Variants in ASS1 observed in about 807,000 individuals in gnomAD.
The protein encoded by ASS1 is argininosuccinate synthase.
In ASS1, 58 loss-of-function variants were observed where a neutral mutation model predicts 60.5. The ratio of observed to expected loss-of-function variants is 0.96; its 90% CI spans 0.78 to 1.19. ASS1 has a LOEUF of 1.19. ASS1 is among the 50% of genes most tolerant of loss of function. The pLI is 0.00. For missense variants in ASS1, 454 were observed against 547.3 expected (o/e 0.83, Z 1.70); for synonymous variants, 200 against 206.9 (o/e 0.97, Z 0.29).
At chr9:130,497,501 A>G (rs1263581501) in intron 13 of ASS1, among the ~76,000 whole-genome samples, 3 of 150,966 alleles carry the variant, frequency 2.0e-5, no homozygotes, top group Non-Finnish European at 3.0e-5. Flanking sequence ...AAAAAAAAAA[A>G]GAAAAAAATC....
intron 6 of ASS1, among the ~76,000 whole-genome samples, chr9:130,469,191 G>T (rs1216166070): frequency 1.3e-5 from 2 of 152,254 alleles, no homozygotes; most frequent in African/African-American, 4.8e-5. Context: ...ATCTCTGCTG[G>T]AGAGTCCAGT....
chr9:130,496,297 C>T (rs868253205), intron 13 of ASS1, among the ~76,000 whole-genome samples: 1 of 151,850 alleles, frequency 6.6e-6, no homozygotes, highest in East Asian at 1.9e-4. Context: ...GGCATGTGCT[C>T]GTGGTCCCAA....
rs1031503455 is a variant in ASS1 at position 130,475,749 on chromosome 9, T to TG, written c.598-1122_598-1121insG. ...GTGAATGTGTGCAAGGTGTTTTTTT[T>TG]TTTTTTTTTTTTGGTGGGGGGGTGG... On this transcript the variant is annotated intron_variant, in intron 8 of 14. Coordinates refer to ENST00000352480, the MANE Select transcript of ASS1 (RefSeq NM_054012.4). Among the ~76,000 whole-genome samples, 89 of 150,448 alleles carry TG rather than the reference T, an allele frequency of 5.9e-4. 1 individual carries two copies. The highest frequency in any genetic ancestry group is 1.1e-3 in the Non-Finnish European group (75 of 67,354).
rs13293193 is a variant in ASS1 at position 130,477,799 on chromosome 9, G to A, written c.688+838G>A. Among the ~76,000 whole-genome samples, 14,691 of 152,286 alleles carry A rather than the reference G, an allele frequency of 0.096. 899 individuals are homozygous for A. The highest frequency in any genetic ancestry group is 0.17 in the Middle Eastern group (50 of 294). On this transcript the variant is annotated intron_variant, in intron 9 of 14. Transcript: ENST00000352480. The surrounding 1 kb of genome is among the most constrained non-coding windows in gnomAD (Gnocchi z 4.2). The stretch of plus-strand genomic sequence containing the variant: ...AGGGGCACCCAAGGACCAGGCGGGG[G>A]GCTGGCCCATTCGTCCACAAAGTGG...
At chr9:130,460,116 C>G (rs181705706) in intron 4 of ASS1, among the ~76,000 whole-genome samples, 2 of 152,224 alleles carry the variant, frequency 1.3e-5, no homozygotes, top group African/African-American at 4.8e-5. Flanking sequence ...GAGCTCACTA[C>G]CTCGCCTGCC....
At chr9:130,455,006 C>T (rs1845413134) in intron 3 of ASS1, among the ~76,000 whole-genome samples, 2 of 151,564 alleles carry the variant, frequency 1.3e-5, no homozygotes, top group South Asian at 4.2e-4. Flanking sequence ...ATCCATCCAT[C>T]CATTCACCCA....
Position 130,471,511 on chromosome 9 carries a change from C to T in ASS1, c.593C>T (p.Pro198Leu), listed in dbSNP as rs781652117. 6.2e-7 allele frequency: 1 copy of T among 1,614,084 alleles called. No homozygotes were observed. Among genetic ancestry groups the T allele is most frequent in the Non-Finnish European group, 8.5e-7 (1 of 1,179,954 alleles). The change falls in exon 8 of 15, where the codon CCC becomes CTC. Residue 198 changes from proline (P) to leucine (L), a missense_variant. Pro to Leu is a moderately conservative substitution (Grantham distance 98). Coordinates refer to ENST00000352480, the MANE Select transcript of ASS1 (RefSeq NM_054012.4). The stretch of plus-strand genomic sequence containing the variant: ...TACGAGGCTGGAATCCTGGAGAACC[C>T]CAAGGTAATCCCCCAAACCCCATCT... ...ISYEAGILEN[P>L]KNQAPPGLYT...
chr9:130,495,444 C>CATATATATATATATATATATAT (rs142565065), intron 13 of ASS1, among the ~76,000 whole-genome samples: 1 of 139,752 alleles, frequency 7.2e-6, no homozygotes, highest in Admixed American at 8.0e-5. Context: ...CACACACATA[C>CATATATATATATATATATATAT]ATATATATAT....
At chr9:130,472,986 C>A (rs1845908082) in intron 8 of ASS1, among the ~76,000 whole-genome samples, 1 of 152,198 alleles carries the variant, frequency 6.6e-6, no homozygotes, top group African/African-American at 2.4e-5. Flanking sequence ...AAATCACCCC[C>A]TCGGACCGTG....
intron 6 of ASS1, among the ~76,000 whole-genome samples, chr9:130,467,872 C>T (rs1229455576): frequency 6.6e-6 from 1 of 152,180 alleles, no homozygotes; most frequent in Admixed American, 6.5e-5. Flanking sequence ...CATACGTTGC[C>T]CTTTCTTTCC....
intron 4 of ASS1, among the ~76,000 whole-genome samples, chr9:130,460,288 T>C (rs938942544): frequency 6.6e-6 from 1 of 152,234 alleles, no homozygotes; most frequent in African/African-American, 2.4e-5. Flanking sequence ...GCACCTGTCA[T>C]GTCTTTGAAA....
chr9:130,473,169 C>T (rs1281039562), intron 8 of ASS1, among the ~76,000 whole-genome samples: 2 of 152,170 alleles, frequency 1.3e-5, no homozygotes, highest in Non-Finnish European at 1.5e-5. Flanking sequence ...ACAGGAAACC[C>T]GAGTCTAAAT....
In ASS1 at chr9:130,449,222, T is replaced by G. The variant is rs146133162; in HGVS notation, c.-5-3002T>G. ...GGCATGTGCCTGTAGTCCCAGCTAC[T>G]TGGGGGTGGTGGCACTGAGCTGGGA... On this transcript the variant is annotated intron_variant, in intron 1 of 14. Coordinates refer to ENST00000352480, the MANE Select transcript of ASS1 (RefSeq NM_054012.4). 9.8e-3 allele frequency among the ~76,000 whole-genome samples: 1,494 copies of G among 151,748 alleles called. 26 individuals carry two copies. The highest frequency in any genetic ancestry group is 0.034 in the African/African-American group (1,426 of 41,364).
rs528606774 is a variant in ASS1 at position 130,470,544 on chromosome 9, C to T, written c.496-290C>T. Among the ~76,000 whole-genome samples the T allele has an allele frequency of 5.3e-4, 81 of 152,332 alleles. No homozygotes were observed. Among genetic ancestry groups the T allele is most frequent in the African/African-American group, 1.7e-3 (69 of 41,588 alleles). ...CGGGAGACCTGGCTGGGCATGGCAC[C>T]TGCGTGCTTGCTCAGTGCTTCAGGG... On this transcript the variant is annotated intron_variant, in intron 6 of 14. Transcript: ENST00000352480. This position sits in a 1 kb window ranked among gnomAD's most constrained non-coding sequence, Gnocchi z 4.3.
chr9:130,480,068 G>A (rs1481284588), intron 10 of ASS1, among the ~76,000 whole-genome samples: 1 of 152,238 alleles, frequency 6.6e-6, no homozygotes, highest in Non-Finnish European at 1.5e-5. Context: ...CCCTTGGCTG[G>A]ATGGGAGGCC....
intron 5 of ASS1, 60 bp from the exon 6 acceptor site, chr9:130,466,665 C>T (rs370930308): frequency 1.5e-4 from 230 of 1,536,242 alleles, no homozygotes; most frequent in Non-Finnish European, 2.0e-4. Context: ...CTGCAGCTTA[C>T]AGGCCAGGGG....
intron 4 of ASS1, among the ~76,000 whole-genome samples, chr9:130,463,203 C>T (rs1283139565): frequency 6.6e-6 from 1 of 152,250 alleles, no homozygotes; most frequent in Non-Finnish European, 1.5e-5. Context: ...GTCCCTCTGT[C>T]ATTTCCACAG....
Position 130,494,764 on chromosome 9 carries a change from A to G in ASS1, c.971-103A>G. 2.7e-6 allele frequency: 4 copies of G among 1,461,768 alleles called. No individual in the cohort carries two copies. Among genetic ancestry groups the G allele is most frequent in the Non-Finnish European group, 3.8e-6 (4 of 1,049,164 alleles). The allele number at this position is 1,461,768 out of a possible 1,614,324, so 90.5% of individuals were successfully genotyped here. A position where few individuals can be genotyped will look rare whatever the true frequency, so the allele number is the denominator to read the frequency against. ...CTCGCGGGAGGCAGTCATGGTCTGC[A>G]TGGCGGGGTAAACCATGGGGCACCC... On this transcript the variant is annotated intron_variant, in intron 12 of 14. Coordinates refer to ENST00000352480, the MANE Select transcript of ASS1 (RefSeq NM_054012.4). The surrounding 1 kb of genome is among the most constrained non-coding windows in gnomAD (Gnocchi z 4.3).
rs146469527 is a variant in ASS1, at chr9:130,491,311, G to A, written c.970+1847G>A. On this transcript the variant is annotated intron_variant, in intron 12 of 14. Coordinates refer to ENST00000352480, the MANE Select transcript of ASS1 (RefSeq NM_054012.4). The surrounding 1 kb of genome is among the most constrained non-coding windows in gnomAD (Gnocchi z 5.3). ...AGTCATTAAGACGTGGCGGAGGAGA[G>A]AGCACCTGGCCGGGCTGCTCCGGGG... 8.5e-5 allele frequency among the ~76,000 whole-genome samples: 13 copies of A among 152,320 alleles called. No individual in the cohort carries two copies. In the East Asian group the frequency reaches 2.3e-3, roughly 27 times the overall value.
Sources: allele counts gnomAD v4.1 joint callset (sites outside exome capture counted in the v4.1 genomes callset), GRCh38; gene constraint gnomAD v4.1.1; non-coding constraint Gnocchi (gnomAD v3.1); transcripts MANE v1.5; gene names NCBI Gene and HGNC (gene_info 2026-07-23, HGNC 2026-07-21).